DLGAP4: variants seen among roughly 807,000 people sequenced by gnomAD.
DLGAP4 encodes the protein disks large-associated protein 4.
In DLGAP4, 18 loss-of-function variants were observed where a neutral mutation model predicts 86.9. The ratio of observed to expected loss-of-function variants is 0.21; its 90% confidence interval spans 0.14 to 0.31. The LOEUF is 0.31. Ranked by LOEUF, DLGAP4 falls within the 10% of genes least tolerant of loss-of-function variation. The pLI is 1.00. For missense variants in DLGAP4, 1,085 were observed against 1,362.6 expected (o/e 0.80, Z 3.21); for synonymous variants, 548 against 574.3 (o/e 0.95, Z 0.65).
intron 7 of DLGAP4, among the ~76,000 whole-genome samples, chr20:36,468,927 G>A (rs1304293938): frequency 6.6e-6 from 1 of 152,078 alleles, no homozygotes; most frequent in South Asian, 2.1e-4. Flanking sequence ...TCATTCTCCC[G>A]TATATTCATT....
chr20:36,469,383 G>A (rs1204583356), intron 7 of DLGAP4, among the ~76,000 whole-genome samples: 13 of 152,148 alleles, frequency 8.5e-5, no homozygotes, highest in Admixed American at 8.5e-4. Context: ...GACTGTTGCA[G>A]CCCGTGAGCC....
chr20:36,409,877 C>CA (rs1374227411), intron 2 of DLGAP4, among the ~76,000 whole-genome samples: 6 of 150,486 alleles, frequency 4.0e-5, no homozygotes, highest in Admixed American at 2.0e-4. Context: ...ACTAAAAATA[C>CA]AAAAAAATTA....
In DLGAP4 at chr20:36,431,905, A is replaced by G. The variant is rs2033140940; in HGVS notation, c.188A>G (p.Gln63Arg). Residue 63 changes from glutamine to arginine, a missense_variant, in exon 3 of 13, where the codon CAG becomes CGG. Physicochemically the swap from Gln to Arg is conservative, Grantham distance 43. Coordinates refer to ENST00000339266, the MANE Select transcript of DLGAP4 (RefSeq NM_001365621.2). The surrounding 1 kb of genome is among the most constrained non-coding windows in gnomAD (Gnocchi z 5.1). ...GATGGCCTCTTTCCCCTCAACAACC[A>G]GCTGCCCCCGCCCAGCAGCACCTTT... The part of the protein sequence containing the change: ...PGDGLFPLNN[Q>R]LPPPSSTFPR... The G allele has an allele frequency of 6.2e-7, 1 of 1,613,932 alleles. No homozygotes were observed. Among genetic ancestry groups the G allele is most frequent in the Admixed American group, 1.7e-5 (1 of 60,010 alleles).
Position 36,320,491 on chromosome 20 carries a change from G to A in DLGAP4, c.-304+13979G>A, listed in dbSNP as rs190838723. Among the ~76,000 whole-genome samples the A allele has an allele frequency of 3.4e-4, 52 of 152,226 alleles. No individual in the cohort carries two copies. The East Asian group carries it at 8.9e-3, about 26-fold the overall frequency. On this transcript the variant is annotated intron_variant, in intron 1 of 12. Coordinates refer to ENST00000339266, the MANE Select transcript of DLGAP4 (RefSeq NM_001365621.2). Reference sequence around the variant, plus strand: ...CAGGTGGCAGTGGGGCTGTGGGGCTGTGAGTGGGGGCTCTGGTTCTCCCCA... The same window carrying A: ...CAGGTGGCAGTGGGGCTGTGGGGCTATGAGTGGGGGCTCTGGTTCTCCCCA...
chr20:36,390,575 G>A (rs1488837507), intron 2 of DLGAP4, among the ~76,000 whole-genome samples: 1 of 152,068 alleles, frequency 6.6e-6, no homozygotes, highest in Non-Finnish European at 1.5e-5. Context: ...TGAGTGGGGG[G>A]GCATGCCTCC....
chr20:36,462,278 C>G, intron 7 of DLGAP4: 1 of 1,297,216 alleles, frequency 7.7e-7, no homozygotes, highest in Non-Finnish European at 9.7e-7. Flanking sequence ...CTGTCGCTGT[C>G]TCTCCTTGTT....
intron 2 of DLGAP4, among the ~76,000 whole-genome samples, chr20:36,429,234 A>G (rs1021028473): frequency 4.6e-5 from 7 of 150,580 alleles, no homozygotes; most frequent in Non-Finnish European, 8.9e-5. Context: ...GCACGCCATC[A>G]CACCCAGTAA....
In DLGAP4 at chr20:36,474,427, A is replaced by G. The variant is rs527993533; in HGVS notation, c.1649-22278A>G. ...CAGAATCTGCCAGGTATGTGGAGCT[A>G]GAGTTCTCTCTGCAGGGTCATCACT... On this transcript the variant is annotated intron_variant, in intron 7 of 12. Transcript: ENST00000339266. Among the ~76,000 whole-genome samples, 222 of 152,332 alleles carry G rather than the reference A, an allele frequency of 1.5e-3. 1 individual carries two copies. Among genetic ancestry groups the G allele is most frequent in the South Asian group, 8.9e-3 (43 of 4,830 alleles).
At chr20:36,439,677 C>T in intron 4 of DLGAP4, 77 bp from the exon 5 acceptor site, 2 of 1,289,742 alleles carry the variant, frequency 1.6e-6, no homozygotes, top group South Asian at 1.2e-5. Flanking sequence ...ACCTGTGCAT[C>T]ACAGATGGTC....
chr20:36,339,748 A>G (rs1311517476), intron 1 of DLGAP4, among the ~76,000 whole-genome samples: 3 of 152,214 alleles, frequency 2.0e-5, no homozygotes, highest in African/African-American at 7.2e-5. Flanking sequence ...CCAGTGGGCC[A>G]TCTGCAGGAC....
intron 7 of DLGAP4, among the ~76,000 whole-genome samples, chr20:36,456,600 G>A (rs550409718): frequency 1.3e-5 from 2 of 152,352 alleles, no homozygotes; most frequent in African/African-American, 4.8e-5. Context: ...AGAGGACACT[G>A]GGCAGAAGGC....
chr20:36,482,182 C>G (rs917902632), intron 7 of DLGAP4, among the ~76,000 whole-genome samples: 5 of 152,292 alleles, frequency 3.3e-5, no homozygotes, highest in African/African-American at 1.2e-4. Flanking sequence ...ACCTGCCACT[C>G]CAGGCCCAGT....
chr20:36,412,771 G>C (rs1174590738), intron 2 of DLGAP4, among the ~76,000 whole-genome samples: 3 of 152,116 alleles, frequency 2.0e-5, no homozygotes, highest in Non-Finnish European at 4.4e-5. Flanking sequence ...TCTTTATTGA[G>C]CACCTACTAG....
chr20:36,469,735 A>C (rs1164352900), intron 7 of DLGAP4, among the ~76,000 whole-genome samples: 2 of 150,520 alleles, frequency 1.3e-5, no homozygotes, highest in Non-Finnish European at 2.9e-5. Flanking sequence ...CCTGGGCAAC[A>C]GAGCAAGACT....
At chr20:36,426,038 T>C (rs2032963841) in intron 2 of DLGAP4, among the ~76,000 whole-genome samples, 1 of 152,160 alleles carries the variant, frequency 6.6e-6, no homozygotes, top group South Asian at 2.1e-4. Flanking sequence ...ATATGCAGGA[T>C]GGAATATGAT....
At chr20:36,510,008 C>T (rs1431076228) in intron 10 of DLGAP4, among the ~76,000 whole-genome samples, 4 of 150,720 alleles carry the variant, frequency 2.7e-5, no homozygotes, top group African/African-American at 9.8e-5. Context: ...AGGCATGCGC[C>T]ACCACGCCCC....
At position 36,527,046 on chromosome 20, in the gene DLGAP4, A is replaced by C; in HGVS notation, c.*15A>C. ...CCAGGCTCTGAGACCATGCAGGAGGAAAGAAACGATTTTAAATCATTAAAA... is the reference window on the plus strand; with the variant it reads ...CCAGGCTCTGAGACCATGCAGGAGGCAAGAAACGATTTTAAATCATTAAAA... On this transcript the variant is annotated 3_prime_UTR_variant, in exon 13 of 13. Coordinates refer to ENST00000339266, the MANE Select transcript of DLGAP4 (RefSeq NM_001365621.2). The C allele has an allele frequency of 6.4e-7, 1 of 1,569,594 alleles. No homozygotes were observed. The highest frequency in any genetic ancestry group is 8.6e-7 in the Non-Finnish European group (1 of 1,159,118).
intron 10 of DLGAP4, among the ~76,000 whole-genome samples, chr20:36,502,504 C>T (rs2036189406): frequency 6.6e-6 from 1 of 152,120 alleles, no homozygotes; most frequent in South Asian, 2.1e-4. Flanking sequence ...CAGAGTGCCA[C>T]CATGCCCAGC....
At chr20:36,518,310 T>TATCCTTTACTC (rs1458047121) in intron 10 of DLGAP4, among the ~76,000 whole-genome samples, 10 of 152,202 alleles carry the variant, frequency 6.6e-5, no homozygotes, top group Non-Finnish European at 1.5e-4. Flanking sequence ...TATATCACAT[T>TATCCTTTACTC]ATCCTTTACT....
Sources: gnomAD v4.1 joint callset for allele counts (sites outside exome capture counted in the v4.1 genomes callset) on GRCh38, gnomAD v4.1.1 for gene constraint, Gnocchi (gnomAD v3.1) non-coding constraint, MANE v1.5 for transcripts, NCBI Gene and HGNC (gene_info 2026-07-23, HGNC 2026-07-21) for gene names.